PARD3B: variants seen among roughly 807,000 people sequenced by gnomAD.
PARD3B encodes the protein par-3 family cell polarity regulator beta, also known as partitioning defective 3 homolog B.
In PARD3B, 103 loss-of-function variants were observed where a neutral mutation model predicts 130.2. That is an observed-to-expected ratio of 0.79 (90% CI 0.67 to 0.93). The LOEUF is 0.93. PARD3B is among the 40% of genes least tolerant of loss of function. PARD3B has a pLI of 0.00. For synonymous variants in PARD3B, 583 were observed against 553.2 expected (o/e 1.05, Z -0.76); for missense variants, 1,609 against 1,499.2 (o/e 1.07, Z -1.21).
rs3077792 is a variant in PARD3B at position 205,460,393 on chromosome 2, GTGATGATGATGATGA to G, written c.3044+19750_3044+19764del. Among the ~76,000 whole-genome samples the G allele has an allele frequency of 8.6e-4, 127 of 148,000 alleles. No individual in the cohort carries two copies. The highest frequency in any genetic ancestry group is 2.3e-3 in the African/African-American group (94 of 40,400). Reference sequence around the variant, plus strand: ...ATTATCAAGACTAAGGATGTTGATAGTGATGATGATGATGATGATGATGATGATGATGATGATGAT... The same window carrying G: ...ATTATCAAGACTAAGGATGTTGATAGTGATGATGATGATGATGATGATGAT... On this transcript the variant is annotated intron_variant, in intron 20 of 22. Coordinates refer to ENST00000406610, the MANE Select transcript of PARD3B (RefSeq NM_001302769.2). This position sits in a 1 kb window ranked among gnomAD's most constrained non-coding sequence, Gnocchi z 4.9.
intron 19 of PARD3B, among the ~76,000 whole-genome samples, chr2:205,424,285 T>C (rs2216175): frequency 0.063 from 9,576 of 152,200 alleles, 371 homozygotes; most frequent in Middle Eastern, 0.092. Context: ...GAAGGGTCTG[T>C]GTTTATCCCT....
chr2:205,016,737 C>T (rs1376117756), intron 3 of PARD3B, among the ~76,000 whole-genome samples: 1 of 152,072 alleles, frequency 6.6e-6, no homozygotes, highest in Non-Finnish European at 1.5e-5. Context: ...CTTTGACTGG[C>T]CTCTTTGAAC....
chr2:205,615,757 T>C lies in PARD3B; in HGVS notation c.3562T>C (p.Tyr1188His), dbSNP rs750550172. ...GCCCCGTGGGGGCAGCCCAGACCAG[T>C]ACCCTTACCGAACCCAGGATTCCCG... ...PGPRGGSPDQ[Y>H]PYRTQDSRQK... The change falls in exon 23 of 23, where the codon TAC becomes CAC. Residue 1188 changes from tyrosine to histidine, a missense_variant. Coordinates refer to ENST00000406610, the MANE Select transcript of PARD3B (RefSeq NM_001302769.2). 3.7e-6 allele frequency: 6 copies of C among 1,613,772 alleles called. No individual in the cohort carries two copies. The South Asian group carries it at 5.5e-5, about 15-fold the overall frequency.
At chr2:205,067,998 G>T (rs1360938695) in intron 4 of PARD3B, among the ~76,000 whole-genome samples, 1 of 152,158 alleles carries the variant, frequency 6.6e-6, no homozygotes, top group Non-Finnish European at 1.5e-5. Flanking sequence ...TTTAGTTAAA[G>T]AATTAAGGTT....
At chr2:205,536,607 G>C (rs2051871703) in intron 21 of PARD3B, among the ~76,000 whole-genome samples, 1 of 152,166 alleles carries the variant, frequency 6.6e-6, no homozygotes, top group African/African-American at 2.4e-5. Flanking sequence ...CAAAGTAAAA[G>C]TGAGTTTCTC....
chr2:204,740,343 C>T (rs753678826), intron 2 of PARD3B, among the ~76,000 whole-genome samples: 16 of 152,114 alleles, frequency 1.1e-4, no homozygotes, highest in Non-Finnish European at 1.6e-4. Flanking sequence ...TTTACATCTT[C>T]GGCACATTTA....
rs536300724 is a variant in PARD3B, at chr2:204,633,399, C to T, written c.121-52782C>T. 2.0e-4 allele frequency among the ~76,000 whole-genome samples: 31 copies of T among 152,238 alleles called. No individual in the cohort carries two copies. In the South Asian group the frequency reaches 4.8e-3, roughly 23 times the overall value. On this transcript the variant is annotated intron_variant, in intron 1 of 22. Coordinates refer to ENST00000406610, the MANE Select transcript of PARD3B (RefSeq NM_001302769.2). ...CATTCATAAATATTTCTGTATGTAT[C>T]GCTAAAAGATGAGGATTCTTCTAGA...
intron 20 of PARD3B, among the ~76,000 whole-genome samples, chr2:205,459,132 T>C (rs1315985891): frequency 6.6e-6 from 1 of 152,176 alleles, no homozygotes; most frequent in Non-Finnish European, 1.5e-5. Flanking sequence ...TTCTTAGCAT[T>C]TGATTCTGTG....
At chr2:205,586,748 A>G (rs1289643734) in intron 22 of PARD3B, among the ~76,000 whole-genome samples, 1 of 152,164 alleles carries the variant, frequency 6.6e-6, no homozygotes, top group Non-Finnish European at 1.5e-5. Context: ...CTAGTATTTG[A>G]TGCCCTGTTA....
chr2:205,169,243 G>A (rs2035009052), intron 11 of PARD3B, among the ~76,000 whole-genome samples: 1 of 152,002 alleles, frequency 6.6e-6, no homozygotes, highest in Admixed American at 6.6e-5. Flanking sequence ...GATTTTTATT[G>A]CACCCACAAC....
chr2:204,616,310 A>C (rs750668813), intron 1 of PARD3B, among the ~76,000 whole-genome samples: 24 of 152,194 alleles, frequency 1.6e-4, no homozygotes, highest in Non-Finnish European at 2.4e-4. Flanking sequence ...AATGGGCCAA[A>C]GACCTGAACA....
At chr2:204,557,757 A>G (rs1249235618) in intron 1 of PARD3B, among the ~76,000 whole-genome samples, 1 of 152,218 alleles carries the variant, frequency 6.6e-6, no homozygotes, top group Non-Finnish European at 1.5e-5. Flanking sequence ...GCAGTAGTTT[A>G]GTGGTCCATT....
intron 20 of PARD3B, among the ~76,000 whole-genome samples, chr2:205,492,689 G>T (rs747615024): frequency 1.2e-4 from 18 of 152,034 alleles, no homozygotes; most frequent in African/African-American, 4.3e-4. Context: ...ATGGGAAACG[G>T]GGAAAATAGA....
intron 21 of PARD3B, among the ~76,000 whole-genome samples, chr2:205,512,250 C>T (rs1293550997): frequency 1.3e-5 from 2 of 152,068 alleles, no homozygotes; most frequent in African/African-American, 2.4e-5. Flanking sequence ...GCTAAATTTT[C>T]GGAGTGTTTA....
rs548872000 is a variant in PARD3B, at chr2:205,202,445, T to C, written c.2140+9125T>C. 2.0e-5 allele frequency among the ~76,000 whole-genome samples: 3 copies of C among 152,348 alleles called. No individual in the cohort carries two copies. In the South Asian group the frequency reaches 6.2e-4, roughly 32 times the overall value. On this transcript the variant is annotated intron_variant, in intron 15 of 22. Transcript: ENST00000406610. The stretch of plus-strand genomic sequence containing the variant: ...CAAGAAGAATTTGACTTTGTATTCA[T>C]TCTTACTACTATTAATTGGAAAACA...
chr2:204,765,022 C>A (rs2041082626), intron 2 of PARD3B, among the ~76,000 whole-genome samples: 1 of 152,048 alleles, frequency 6.6e-6, no homozygotes, highest in African/African-American at 2.4e-5. Flanking sequence ...GATCATTTAA[C>A]TCTTAGAGAA....
At chr2:204,815,383 C>A (rs979945368) in intron 2 of PARD3B, among the ~76,000 whole-genome samples, 14 of 151,870 alleles carry the variant, frequency 9.2e-5, no homozygotes, top group African/African-American at 3.4e-4. Context: ...ATCTGTCATT[C>A]CTGTTATTGG....
intron 15 of PARD3B, among the ~76,000 whole-genome samples, chr2:205,236,947 A>T (rs1257693132): frequency 6.6e-6 from 1 of 151,292 alleles, no homozygotes; most frequent in Non-Finnish European, 1.5e-5. Flanking sequence ...GAGAATTATA[A>T]AGTACAACAT....
intron 4 of PARD3B, among the ~76,000 whole-genome samples, chr2:205,095,028 G>T (rs1456501176): frequency 6.6e-6 from 1 of 152,068 alleles, no homozygotes; most frequent in Non-Finnish European, 1.5e-5. Context: ...TGAGAAGATG[G>T]TATAGTTTAA....
Sources: gnomAD v4.1 joint callset for allele counts (sites outside exome capture counted in the v4.1 genomes callset) on GRCh38, gnomAD v4.1.1 for gene constraint, Gnocchi (gnomAD v3.1) non-coding constraint, MANE v1.5 for transcripts, NCBI Gene and HGNC (gene_info 2026-07-23, HGNC 2026-07-21) for gene names.